The following CYP2C19 variants were observed in gnomAD, a reference collection of about 807,000 sequenced individuals.
CYP2C19 encodes cytochrome P450 family 2 subfamily C member 19, also known as cytochrome P450 2C19.
In CYP2C19, 59 loss-of-function variants were observed where a neutral mutation model predicts 40.9. That is an observed-to-expected ratio of 1.44 (90% CI 1.17 to 1.79). The LOEUF (loss-of-function observed/expected upper bound fraction) is 1.79, where lower values mean the gene tolerates loss of function less well. Ranked by LOEUF, CYP2C19 falls within the 40% of genes most tolerant of loss-of-function variation. The pLI is 0.00. For synonymous variants in CYP2C19, 253 were observed against 208.7 expected, an observed-to-expected ratio of 1.21 and a Z score of -1.83; for missense variants, 754 against 596.9, an observed-to-expected ratio of 1.26 and a Z score of -2.74.
rs113065192 is a variant in CYP2C19 at position 94,840,093 on chromosome 10, C to T, written c.962-2744C>T. Among the ~76,000 whole-genome samples the T allele has an allele frequency of 3.1e-3, 471 of 151,982 alleles. 3 individuals carry two copies. Among genetic ancestry groups the T allele is most frequent in the African/African-American group, 0.011 (445 of 41,440 alleles). On this transcript the variant is annotated intron_variant, in intron 6 of 8. Coordinates refer to ENST00000371321, the MANE Select transcript of CYP2C19 (RefSeq NM_000769.4). ...CTTTTAGTTAAGTAGTTGTTTCTAC[C>T]GACTGAATGCATTTGGCCCATCCGC... is the stretch of plus-strand genomic sequence containing the variant.
At chr10:94,824,496 A>G (rs1202835161) in intron 6 of CYP2C19, among the ~76,000 whole-genome samples, 1 of 152,196 alleles carries the variant, frequency 6.6e-6, no homozygotes. Context: ...ACTCTCACAC[A>G]CACAAGCACA....
intron 6 of CYP2C19, among the ~76,000 whole-genome samples, chr10:94,829,670 C>G (rs986911669): frequency 2.0e-5 from 3 of 152,122 alleles, no homozygotes; most frequent in Admixed American, 1.3e-4. Flanking sequence ...AAGTCATTCT[C>G]CATCCAGCTT....
intron 5 of CYP2C19, among the ~76,000 whole-genome samples, chr10:94,799,642 G>A (rs1206173513): frequency 6.6e-6 from 1 of 152,126 alleles, no homozygotes; most frequent in East Asian, 1.9e-4. Context: ...CCAATCAAAT[G>A]TAGATTTGGT....
intron 1 of CYP2C19, among the ~76,000 whole-genome samples, chr10:94,769,851 C>T (rs185201966): frequency 6.6e-6 from 1 of 152,224 alleles, no homozygotes; most frequent in African/African-American, 2.4e-5. Flanking sequence ...TAGGGGACAA[C>T]AAATGGGTAA....
chr10:94,830,175 G>T (rs536887338), intron 6 of CYP2C19, among the ~76,000 whole-genome samples: 1 of 152,210 alleles, frequency 6.6e-6, no homozygotes, highest in Non-Finnish European at 1.5e-5. Context: ...AGCTGTGGTG[G>T]GCTCCACCCA....
chr10:94,768,677 C>T (rs1043782546), intron 1 of CYP2C19, among the ~76,000 whole-genome samples: 1 of 152,136 alleles, frequency 6.6e-6, no homozygotes, highest in Non-Finnish European at 1.5e-5. Context: ...CAGCCATCAC[C>T]ACAACTACCC....
At chr10:94,764,933 A>C (rs899584493) in intron 1 of CYP2C19, among the ~76,000 whole-genome samples, 4 of 152,166 alleles carry the variant, frequency 2.6e-5, no homozygotes, top group Middle Eastern at 3.4e-3. Flanking sequence ...TTTCCTGTAA[A>C]CACTGGGTGG....
chr10:94,837,833 C>G (rs1589374547), intron 6 of CYP2C19, among the ~76,000 whole-genome samples: 1 of 152,306 alleles, frequency 6.6e-6, no homozygotes, highest in African/African-American at 2.4e-5. Context: ...TGGTTAGTGG[C>G]TTCTGACTCA....
intron 8 of CYP2C19, among the ~76,000 whole-genome samples, chr10:94,850,337 A>G (rs1305447951): frequency 1.3e-5 from 2 of 152,092 alleles, no homozygotes; most frequent in Non-Finnish European, 2.9e-5. Context: ...GTACTCAAGA[A>G]CTCCTCCTGG....
rs1003275637 is a variant in CYP2C19 at position 94,854,866 on chromosome 10, G to T, written c.*1952G>T. The stretch of plus-strand genomic sequence containing the variant: ...TTAATAGAAGAGAAAGTGGAAATGG[G>T]TATTACATTAATGGAAAGATACAGA... On this transcript the variant is annotated 3_prime_UTR_variant, in exon 9 of 9. Coordinates refer to ENST00000371321, the MANE Select transcript of CYP2C19 (RefSeq NM_000769.4). Among the ~76,000 whole-genome samples the T allele has an allele frequency of 6.6e-6, 1 of 152,076 alleles. No individual in the cohort carries two copies. The highest frequency in any genetic ancestry group is 1.5e-5 in the Non-Finnish European group (1 of 68,008).
intron 5 of CYP2C19, among the ~76,000 whole-genome samples, chr10:94,813,739 C>T (rs893519810): frequency 2.6e-5 from 4 of 150,996 alleles, no homozygotes; most frequent in African/African-American, 7.3e-5. Context: ...GGGTGAGATC[C>T]CCTGAGCTAG....
At chr10:94,796,686 A>C (rs1243712030) in intron 5 of CYP2C19, among the ~76,000 whole-genome samples, 5 of 152,108 alleles carry the variant, frequency 3.3e-5, no homozygotes, top group African/African-American at 1.2e-4. Flanking sequence ...AGTGGTTTGT[A>C]GTTCTCCTTG....
chr10:94,807,783 G>T (rs910388234), intron 5 of CYP2C19, among the ~76,000 whole-genome samples: 2 of 151,914 alleles, frequency 1.3e-5, no homozygotes, highest in African/African-American at 4.8e-5. Flanking sequence ...GTATATTTTG[G>T]ATATTAATCC....
At chr10:94,848,585 T>C (rs2134291292) in intron 7 of CYP2C19, among the ~76,000 whole-genome samples, 1 of 152,338 alleles carries the variant, frequency 6.6e-6, no homozygotes, top group African/African-American at 2.4e-5. Flanking sequence ...CCATATGAAC[T>C]TTAAAGTAGT....
chr10:94,771,503 T>A (rs112543932), intron 1 of CYP2C19, among the ~76,000 whole-genome samples: 2 of 152,088 alleles, frequency 1.3e-5, no homozygotes, highest in East Asian at 3.9e-4. Context: ...CTTCCCTCAG[T>A]TGGCCATTTT....
intron 4 of CYP2C19, among the ~76,000 whole-genome samples, chr10:94,781,060 T>C (rs1848473159): frequency 6.6e-6 from 1 of 152,088 alleles, no homozygotes; most frequent in Admixed American, 6.5e-5. Context: ...AATATCCTAA[T>C]CTAAAAGACA....
At chr10:94,781,263 A>T (rs1369074284) in intron 4 of CYP2C19, among the ~76,000 whole-genome samples, 1 of 152,136 alleles carries the variant, frequency 6.6e-6, no homozygotes, top group East Asian at 1.9e-4. Flanking sequence ...CTGAATTGGC[A>T]TGTTTTATAC....
At chr10:94,826,569 G>A (rs868800495) in intron 6 of CYP2C19, among the ~76,000 whole-genome samples, 11 of 152,242 alleles carry the variant, frequency 7.2e-5, no homozygotes, top group Middle Eastern at 3.4e-3. Flanking sequence ...CTGAGATGAT[G>A]GGGTTTTCTA....
chr10:94,764,124 T>G (rs1848210427), intron 1 of CYP2C19, among the ~76,000 whole-genome samples: 1 of 151,656 alleles, frequency 6.6e-6, no homozygotes, highest in African/African-American at 2.4e-5. Context: ...ACCCAAAGAG[T>G]GAGCAGCAGC....
Sources: gnomAD v4.1 joint callset for allele counts (sites outside exome capture counted in the v4.1 genomes callset) on GRCh38, gnomAD v4.1.1 for gene constraint, MANE v1.5 for transcripts, NCBI Gene and HGNC (gene_info 2026-07-23, HGNC 2026-07-21) for gene names.